The following ELAPOR2 variants were observed in gnomAD, a reference collection of about 807,000 sequenced individuals.
ELAPOR2 encodes the protein endosome-lysosome associated apoptosis and autophagy regulator family member 2.
In ELAPOR2, 89 loss-of-function variants were observed where a neutral mutation model predicts 120.7. The observed-to-expected ratio is 0.74, with a 90% CI of 0.62 to 0.88. The LOEUF (loss-of-function observed/expected upper bound fraction) is 0.88. ELAPOR2 is among the 40% of genes least tolerant of loss of function. The pLI, the probability that ELAPOR2 is intolerant of heterozygous loss-of-function variation, is 0.00. For missense variants in ELAPOR2, 1,134 were observed against 1,251.6 expected, an observed-to-expected ratio of 0.91 and a Z score of 1.42; for synonymous variants, 444 against 444.9, an observed-to-expected ratio of 1.00 and a Z score of 0.03.
intron 1 of ELAPOR2, among the ~76,000 whole-genome samples, chr7:87,057,181 A>ATTCCCATAACTGTATTC (rs1795289260): frequency 6.6e-6 from 1 of 152,232 alleles, no homozygotes; most frequent in African/African-American, 2.4e-5. Flanking sequence ...ATTCAGAGGA[A>ATTCCCATAACTGTATTC]AGGGCTGAGC....
At chr7:87,034,835 C>A (rs1414668957) in intron 1 of ELAPOR2, among the ~76,000 whole-genome samples, 1 of 152,144 alleles carries the variant, frequency 6.6e-6, no homozygotes, top group African/African-American at 2.4e-5. Flanking sequence ...GTAATCCAAG[C>A]ACTTTGGGAG....
intron 1 of ELAPOR2, among the ~76,000 whole-genome samples, chr7:86,982,474 G>T (rs1037857299): frequency 6.6e-6 from 1 of 152,202 alleles, no homozygotes; most frequent in African/African-American, 2.4e-5. Context: ...GGAAGGATCA[G>T]GCAGCAATAT....
chr7:87,009,812 G>T (rs1006288032), intron 1 of ELAPOR2, among the ~76,000 whole-genome samples: 2 of 152,174 alleles, frequency 1.3e-5, no homozygotes, highest in Non-Finnish European at 2.9e-5. Flanking sequence ...CATCTTTAAA[G>T]AAAGCTATTA....
intron 8 of ELAPOR2, among the ~76,000 whole-genome samples, chr7:86,936,955 G>T (rs369624382): frequency 6.6e-6 from 1 of 151,884 alleles, no homozygotes. Flanking sequence ...ATTGACTTTT[G>T]CCTTACTTAT....
At chr7:86,968,120 A>G (rs888888494) in intron 1 of ELAPOR2, among the ~76,000 whole-genome samples, 7 of 152,322 alleles carry the variant, frequency 4.6e-5, no homozygotes, top group African/African-American at 1.4e-4. Context: ...GAAAGGTACG[A>G]TGTATATTTT....
intron 1 of ELAPOR2, among the ~76,000 whole-genome samples, chr7:87,038,307 T>A (rs1354688058): frequency 6.6e-6 from 1 of 152,254 alleles, no homozygotes; most frequent in Non-Finnish European, 1.5e-5. Flanking sequence ...GGTAATTCCA[T>A]ATACCTTTTT....
chr7:87,053,778 TGA>T (rs777636816), intron 1 of ELAPOR2, among the ~76,000 whole-genome samples: 51 of 152,192 alleles, frequency 3.4e-4, no homozygotes, highest in Admixed American at 3.3e-4. Context: ...GCTTCCTCTG[TGA>T]GAGATGTTCT....
At chr7:86,908,895 C>T (rs1005626199) in intron 16 of ELAPOR2, among the ~76,000 whole-genome samples, 18 of 152,122 alleles carry the variant, frequency 1.2e-4, no homozygotes, top group African/African-American at 3.6e-4. Context: ...TGAATTTTAT[C>T]GAATGAGTTA....
chr7:86,974,038 A>G (rs1048047170), intron 1 of ELAPOR2, among the ~76,000 whole-genome samples: 2 of 151,890 alleles, frequency 1.3e-5, no homozygotes, highest in African/African-American at 4.8e-5. Context: ...GGTAATAGTA[A>G]TTTTCTTTTT....
At chr7:86,944,776 C>G in intron 4 of ELAPOR2, 123 bp downstream of exon 4, 2 of 659,636 alleles carry the variant, frequency 3.0e-6, no homozygotes, top group Non-Finnish European at 2.5e-6. Context: ...TCAAAAGGTT[C>G]AGTTAACACA....
At chr7:87,007,023 GAA>G (rs1173387056) in intron 1 of ELAPOR2, among the ~76,000 whole-genome samples, 2 of 152,158 alleles carry the variant, frequency 1.3e-5, no homozygotes, top group Non-Finnish European at 2.9e-5. Flanking sequence ...AAACTGTGGT[GAA>G]AAGAGTCAGA....
chr7:86,984,330 G>C (rs1792628968), intron 1 of ELAPOR2, among the ~76,000 whole-genome samples: 2 of 152,214 alleles, frequency 1.3e-5, no homozygotes. Flanking sequence ...TCTGCACCAA[G>C]CTGACCTAAT....
intron 8 of ELAPOR2, among the ~76,000 whole-genome samples, chr7:86,936,553 T>TA (rs1030559260): frequency 4.6e-5 from 7 of 152,072 alleles, no homozygotes; most frequent in Non-Finnish European, 7.4e-5. Flanking sequence ...TCACTTTTCT[T>TA]AAAAAAACAC....
rs933650625 is a variant in ELAPOR2 at position 86,909,788 on chromosome 7, A to G, written c.2359+24T>C. 3.2e-6 allele frequency: 5 copies of G among 1,565,386 alleles called. No individual in the cohort carries two copies. In the Admixed American group the frequency reaches 8.9e-5, roughly 28 times the overall value. ...AATTTAAGAATAAATGTATGCATGC[A>G]TATATGAACCAAAGGAAGCTTACCT... is the stretch of plus-strand genomic sequence containing the variant. On this transcript the variant is annotated intron_variant, in intron 16 of 21. Coordinates refer to ENST00000450689, the MANE Select transcript of ELAPOR2 (RefSeq NM_001142749.3).
chr7:87,039,924 G>C (rs956497769), intron 1 of ELAPOR2, among the ~76,000 whole-genome samples: 1 of 152,134 alleles, frequency 6.6e-6, no homozygotes, highest in Non-Finnish European at 1.5e-5. Context: ...CACCGTGCAC[G>C]AGCCAAAGCA....
At chr7:86,896,411 G>C (rs1788439931) in intron 19 of ELAPOR2, among the ~76,000 whole-genome samples, 1 of 152,018 alleles carries the variant, frequency 6.6e-6, no homozygotes. Flanking sequence ...TAGGGGTGAG[G>C]TGAACACAAC....
At chr7:86,921,695 T>C (rs1456714697) in intron 10 of ELAPOR2, among the ~76,000 whole-genome samples, 2 of 151,800 alleles carry the variant, frequency 1.3e-5, no homozygotes, top group Non-Finnish European at 2.9e-5. Context: ...AGAAAAGAAA[T>C]AAAAGAATCT....
chr7:87,017,993 C>G (rs1793923156), intron 1 of ELAPOR2, among the ~76,000 whole-genome samples: 1 of 152,054 alleles, frequency 6.6e-6, no homozygotes, highest in Non-Finnish European at 1.5e-5. Flanking sequence ...CTAAAGTAAA[C>G]AGAAGTTCCA....
intron 1 of ELAPOR2, among the ~76,000 whole-genome samples, chr7:86,983,147 A>C (rs1369423283): frequency 1.3e-5 from 2 of 152,216 alleles, no homozygotes; most frequent in Non-Finnish European, 2.9e-5. Context: ...AAAAAGAGTA[A>C]AAAGAAATGA....
Sources: allele counts gnomAD v4.1 joint callset (sites outside exome capture counted in the v4.1 genomes callset), GRCh38; gene constraint gnomAD v4.1.1; transcripts MANE v1.5; gene names NCBI Gene and HGNC (gene_info 2026-07-23, HGNC 2026-07-21).